The following PAOX variants were observed in gnomAD, a reference collection of about 807,000 sequenced individuals.
PAOX encodes polyamine oxidase.
In PAOX, 38 loss-of-function variants were observed where a neutral mutation model predicts 39.0. The ratio of observed to expected loss-of-function variants is 0.97; its 90% CI spans 0.75 to 1.28. PAOX has a LOEUF of 1.28. PAOX is among the 50% of genes most tolerant of loss of function. The pLI is 0.00. For missense variants in PAOX, 667 were observed against 685.7 expected (o/e 0.97, Z 0.30); for synonymous variants, 311 against 314.4 (o/e 0.99, Z 0.11).
At chr10:133,389,511 A>G (rs1849612605) in intron 5 of PAOX, 79 bp from the exon 6 acceptor site, 1 of 1,586,704 alleles carries the variant, frequency 6.3e-7, no homozygotes, top group African/African-American at 1.3e-5. Context: ...TAAACTGCTC[A>G]ATCTTTAAAA....
Position 133,380,043 on chromosome 10 carries a change from C to A in PAOX, c.226C>A (p.Arg76=). ...CGCGCACTGGATCCATGGGCCCTCCCGGGGTAACCCCGTCTTCCAGCTGGC... is the reference window on the plus strand; with the variant it reads ...CGCGCACTGGATCCATGGGCCCTCCAGGGGTAACCCCGTCTTCCAGCTGGC... ...VGAHWIHGPS[R]GNPVFQLAAE... is the part of the protein sequence containing the mutation. Residue 76 remains arginine (R), a synonymous_variant, in exon 2 of 7, where the codon CGG becomes AGG. Transcript: ENST00000278060. The A allele has an allele frequency of 1.3e-6, 2 of 1,522,958 alleles. No individual in the cohort carries two copies. Among genetic ancestry groups the A allele is most frequent in the Non-Finnish European group, 8.8e-7 (1 of 1,139,384 alleles). 94.3% of individuals were successfully genotyped at this position (1,522,958 alleles called of 1,614,324 possible).
Position 133,391,504 on chromosome 10 carries a change from C to A in PAOX, c.*49C>A. The A allele has an allele frequency of 1.3e-6, 2 of 1,550,940 alleles. No individual in the cohort carries two copies. Among genetic ancestry groups the A allele is most frequent in the East Asian group, 2.3e-5 (1 of 44,198 alleles). ...ACCCGTGTCGGGGGTAGGCTGGGAC[C>A]CTCATTTCTTCTGACAGATTTCAGT... On this transcript the variant is annotated 3_prime_UTR_variant, in exon 7 of 7. Transcript: ENST00000278060.
chr10:133,390,256 C>G (rs745345288), intron 6 of PAOX, among the ~76,000 whole-genome samples: 4 of 127,026 alleles, frequency 3.1e-5, no homozygotes, highest in Non-Finnish European at 6.3e-5. Flanking sequence ...GTGCCTGTTT[C>G]TAAAAGATAA....
chr10:133,391,453 T>C lies in PAOX; in HGVS notation c.1534T>C (p.Ter512GlnextTer21). Reference sequence around the variant, plus strand: ...GGTGCAGCAGCCCAGGCCCAGGCTCTAGCTGGGCCCAGCCTACTCTGTTCC... The same window carrying C: ...GGTGCAGCAGCCCAGGCCCAGGCTCCAGCTGGGCCCAGCCTACTCTGTTCC... ...PQVQQPRPRL* is the reference protein window; with the variant it reads ...PQVQQPRPRLQ The change falls in exon 7 of 7, where the codon TAG becomes CAG. Residue 512 changes from the stop codon to glutamine (Q), a stop_lost. Coordinates refer to ENST00000278060, the MANE Select transcript of PAOX (RefSeq NM_152911.4). 1.2e-6 allele frequency: 2 copies of C among 1,611,466 alleles called. No individual in the cohort carries two copies. Among genetic ancestry groups the C allele is most frequent in the Non-Finnish European group, 1.7e-6 (2 of 1,179,248 alleles).
In PAOX at chr10:133,380,278, G is replaced by T; in HGVS notation, c.461G>T (p.Ser154Ile). The stretch of plus-strand genomic sequence containing the variant: ...CACGCTGCAGAGACCCCGGTGCCCA[G>T]CGTCGGGGAGTACCTCAAGAAGGAG... Reference protein sequence around the residue: ...FLHAAETPVPSVGEYLKKEIG... With the variant: ...FLHAAETPVPIVGEYLKKEIG... The change falls in exon 2 of 7, where the codon AGC becomes ATC. Residue 154 changes from serine to isoleucine, a missense_variant. Ser to Ile is a moderately radical substitution (Grantham distance 142). Coordinates refer to ENST00000278060, the MANE Select transcript of PAOX (RefSeq NM_152911.4). 1.2e-6 allele frequency: 2 copies of T among 1,612,918 alleles called. No individual in the cohort carries two copies. Among genetic ancestry groups the T allele is most frequent in the Non-Finnish European group, 1.7e-6 (2 of 1,180,028 alleles).
Position 133,384,191 on chromosome 10 carries a change from T to C in PAOX, c.1100T>C (p.Phe367Ser), listed in dbSNP as rs1296575999. The C allele has an allele frequency of 6.2e-7, 1 of 1,613,910 alleles. No homozygotes were observed. The highest frequency in any genetic ancestry group is 1.7e-5 in the Admixed American group (1 of 60,018). Residue 367 changes from phenylalanine (F) to serine (S), a missense_variant, in exon 4 of 7, where the codon TTT (phenylalanine) becomes TCT (serine). Coordinates refer to ENST00000278060, the MANE Select transcript of PAOX (RefSeq NM_152911.4). The surrounding 1 kb of genome is among the most constrained non-coding windows in gnomAD (Gnocchi z 4.3). ...QDAWFRKLIG[F>S]VVLPAFASVH... ...GCCTGGTTCCGGAAGCTCATTGGCT[T>C]TGTGGTCCTGCCTGCCTTTGCGTAC...
chr10:133,386,300 C>G (rs1355435019), intron 4 of PAOX, among the ~76,000 whole-genome samples: 1 of 152,084 alleles, frequency 6.6e-6, no homozygotes, highest in East Asian at 1.9e-4. Flanking sequence ...GCTGGGATTA[C>G]AGGTGTGAGC....
chr10:133,389,896 A>ATTTTTTTTTTTTTTTTTTTTTTTTTTTT, intron 6 of PAOX, 149 bp downstream of exon 6: 1 of 931,408 alleles, frequency 1.1e-6, no homozygotes, highest in Non-Finnish European at 1.5e-6. Context: ...AATAATTTTT[A>ATTTTTTTTTTTTTTTTTTTTTTTTTTTT]AATGTACTGT....
In PAOX at chr10:133,380,251, TGCACGCTGCA is replaced by T; in HGVS notation, c.436_445del (p.His146ArgfsTer31). On this transcript the variant is annotated frameshift_variant, in exon 2 of 7. Coordinates refer to ENST00000278060, the MANE Select transcript of PAOX (RefSeq NM_152911.4). LOFTEE classifies it high-confidence loss of function. ...CTGATAGACCAGACCCGGGAGTTCC[TGCACGCTGCA>T]GAGACCCCGGTGCCCAGCGTCGGGG... 1 of 1,612,752 alleles carries T rather than the reference TGCACGCTGCA, an allele frequency of 6.2e-7. No homozygotes were observed. Among genetic ancestry groups the T allele is most frequent in the East Asian group, 2.2e-5 (1 of 44,882 alleles).
rs533247205 is a variant in PAOX, at chr10:133,386,315, A to G, written c.1121+2103A>G. On this transcript the variant is annotated intron_variant, in intron 4 of 6. Transcript: ENST00000278060. ...GCTGGGATTACAGGTGTGAGCCACCACGCCCGGCCTTTTCTGCAAAACTCT... is the reference window on the plus strand; with the variant it reads ...GCTGGGATTACAGGTGTGAGCCACCGCGCCCGGCCTTTTCTGCAAAACTCT... Among the ~76,000 whole-genome samples, 183 of 151,298 alleles carry G rather than the reference A, an allele frequency of 1.2e-3. 1 individual carries two copies. The highest frequency in any genetic ancestry group is 4.2e-3 in the African/African-American group (174 of 41,232).
chr10:133,389,812 G>C, intron 6 of PAOX, 65 bp downstream of exon 6: 1 of 1,383,950 alleles, frequency 7.2e-7, no homozygotes, highest in Non-Finnish European at 9.3e-7. Flanking sequence ...GAGTCTGGGC[G>C]CTGCAGGAGC....
At position 133,384,113 on chromosome 10, in the gene PAOX, T is replaced by G; in HGVS notation, c.1022T>G (p.Leu341Arg). The change falls in exon 4 of 7, where the codon CTG becomes CGG. Residue 341 changes from leucine (L) to arginine (R), a missense_variant. Coordinates refer to ENST00000278060, the MANE Select transcript of PAOX (RefSeq NM_152911.4). This position sits in a 1 kb window ranked among gnomAD's most constrained non-coding sequence, Gnocchi z 4.3. ...GAGCCAGACTGCCAGCTGATCCAGC[T>G]GGTGTGGGAGGACACGTCGCCCCTG... Reference protein sequence around the residue: ...FWEPDCQLIQLVWEDTSPLED... With the variant: ...FWEPDCQLIQRVWEDTSPLED... 1 of 1,614,174 alleles carries G rather than the reference T, an allele frequency of 6.2e-7. No homozygotes were observed. Among genetic ancestry groups the G allele is most frequent in the Non-Finnish European group, 8.5e-7 (1 of 1,180,032 alleles).
At chr10:133,381,954 C>T (rs1012858683) in intron 3 of PAOX, among the ~76,000 whole-genome samples, 1 of 150,008 alleles carries the variant, frequency 6.7e-6, no homozygotes, top group Non-Finnish European at 1.5e-5. Flanking sequence ...TTGCTGCAGA[C>T]AGGAAAAGGC....
chr10:133,385,638 C>T (rs1043465741), intron 4 of PAOX, among the ~76,000 whole-genome samples: 1 of 152,230 alleles, frequency 6.6e-6, no homozygotes, highest in Middle Eastern at 3.4e-3. Context: ...GACTGGAGTG[C>T]AGTGGTGCAA....
chr10:133,386,622 C>G (rs938220575), intron 4 of PAOX, among the ~76,000 whole-genome samples: 13 of 151,550 alleles, frequency 8.6e-5, no homozygotes, highest in African/African-American at 3.2e-4. Context: ...TTACAGGTGC[C>G]CACCACCACA....
Position 133,384,116 on chromosome 10 carries a change from T to G in PAOX, c.1025T>G (p.Val342Gly). 6.2e-7 allele frequency: 1 copy of G among 1,614,086 alleles called. No individual in the cohort carries two copies. The highest frequency in any genetic ancestry group is 8.5e-7 in the Non-Finnish European group (1 of 1,180,008). The change falls in exon 4 of 7, where the codon GTG becomes GGG. Residue 342 changes from valine to glycine, a missense_variant. Transcript: ENST00000278060. The surrounding 1 kb of genome is among the most constrained non-coding windows in gnomAD (Gnocchi z 4.3). ...CCAGACTGCCAGCTGATCCAGCTGG[T>G]GTGGGAGGACACGTCGCCCCTGGAG... ...WEPDCQLIQLVWEDTSPLEDA... is the reference protein window; with the variant it reads ...WEPDCQLIQLGWEDTSPLEDA...
intron 6 of PAOX, among the ~76,000 whole-genome samples, chr10:133,390,338 G>A (rs1224126347): frequency 1.3e-5 from 2 of 152,078 alleles, no homozygotes; most frequent in Non-Finnish European, 2.9e-5. Context: ...AGTGCTTTGG[G>A]AGGCCTAGGC....
At position 133,384,361 on chromosome 10, in the gene PAOX, G is replaced by C; in HGVS notation, c.1121+149G>C. 1.6e-6 allele frequency: 2 copies of C among 1,256,070 alleles called. No homozygotes were observed. Among genetic ancestry groups the C allele is most frequent in the Non-Finnish European group, 2.2e-6 (2 of 910,610 alleles). 77.8% of individuals were successfully genotyped at this position (1,256,070 alleles called of 1,614,324 possible). ...ATGAGCGCCCCCCCACCAGGTGCTG[G>C]CTGCACCTGGGCCTGACCCCTGCGG... On this transcript the variant is annotated intron_variant, in intron 4 of 6. Coordinates refer to ENST00000278060, the MANE Select transcript of PAOX (RefSeq NM_152911.4). The surrounding 1 kb of genome is among the most constrained non-coding windows in gnomAD (Gnocchi z 4.3).
Position 133,379,360 on chromosome 10 carries a change from G to C in PAOX, c.44G>C (p.Arg15Pro). The stretch of plus-strand genomic sequence containing the variant: ...GTCGGGGAGGCCCCGGGCGGACCCC[G>C]GGTGCTGGTGGTGGGCGGCGGCATC... Reference protein sequence around the residue: ...GSVGEAPGGPRVLVVGGGIAG... With the variant: ...GSVGEAPGGPPVLVVGGGIAG... The change falls in exon 1 of 7, where the codon CGG becomes CCG. Residue 15 changes from arginine to proline, a missense_variant. Transcript: ENST00000278060. The C allele has an allele frequency of 2.5e-6, 3 of 1,219,244 alleles. No individual in the cohort carries two copies. Among genetic ancestry groups the C allele is most frequent in the Non-Finnish European group, 3.1e-6 (3 of 980,158 alleles). The allele number at this position is 1,219,244 out of a possible 1,614,324, so 75.5% of individuals were successfully genotyped here.
Sources: allele counts gnomAD v4.1 joint callset (sites outside exome capture counted in the v4.1 genomes callset), GRCh38; gene constraint gnomAD v4.1.1; non-coding constraint Gnocchi (gnomAD v3.1); transcripts MANE v1.5; gene names NCBI Gene and HGNC (gene_info 2026-07-23, HGNC 2026-07-21).